Variants in TRMT11 observed in about 807,000 individuals in gnomAD.
TRMT11 encodes tRNA methyltransferase 11.
TRMT11 carries 53 observed loss-of-function variants against 62.8 expected under a neutral mutation model. That is an observed-to-expected ratio of 0.84 (90% CI 0.68 to 1.06). The LOEUF is 1.06. Among genes scored for constraint, TRMT11 ranks in the 50% least tolerant of loss-of-function variants. The pLI is 0.00. For missense variants in TRMT11, 556 were observed against 553.4 expected, an observed-to-expected ratio of 1.00 and a Z score of -0.05; for synonymous variants, 188 against 190.3, an observed-to-expected ratio of 0.99 and a Z score of 0.10.
Position 126,013,005 on chromosome 6 carries a change from A to G in TRMT11, c.1043A>G (p.His348Arg). The G allele has an allele frequency of 6.2e-7, 1 of 1,613,796 alleles. No homozygotes were observed. Among genetic ancestry groups the G allele is most frequent in the African/African-American group, 1.3e-5 (1 of 75,004 alleles). The change falls in exon 11 of 13, where the codon CAT becomes CGT. Residue 348 changes from histidine (H) to arginine (R), a missense_variant. Coordinates refer to ENST00000334379, the MANE Select transcript of TRMT11 (RefSeq NM_001031712.3). Reference protein sequence around the residue: ...ESHVPVSLSYHLSDMFLDLLN... With the variant: ...ESHVPVSLSYRLSDMFLDLLN... ...CATGTTCCTGTTTCCTTGAGTTATC[A>G]TCTGAGTGATATGTTTCTTGACCTG...
chr6:126,086,210 C>T (rs1191424741), intron 17 of TRMT11, among the ~76,000 whole-genome samples: 3 of 152,058 alleles, frequency 2.0e-5, no homozygotes, highest in Non-Finnish European at 2.9e-5. Context: ...AAAATTTGCC[C>T]GGTTTAATAC....
the TRMT11 span, among the ~76,000 whole-genome samples, chr6:126,212,071 G>A: frequency 6.6e-6 from 1 of 152,078 alleles, no homozygotes; most frequent in Non-Finnish European, 1.5e-5. Flanking sequence ...ATGACCTCCA[G>A]TTCCATCCAT....
chr6:125,999,335 G>T, intron 6 of TRMT11, 122 bp from the exon 7 acceptor site: 1 of 622,814 alleles, frequency 1.6e-6, no homozygotes, highest in Non-Finnish European at 2.6e-6. Flanking sequence ...AAATAAATAA[G>T]TTTAGAGCAG....
intron 17 of TRMT11, among the ~76,000 whole-genome samples, chr6:126,054,671 G>A (rs1334330013): frequency 1.3e-5 from 2 of 152,154 alleles, no homozygotes; most frequent in Non-Finnish European, 2.9e-5. Flanking sequence ...CTGCTTCTCC[G>A]CTCCAAGACA....
At chr6:126,192,036 G>A (rs1778606953) in intron 1 of TRMT11, among the ~76,000 whole-genome samples, 1 of 152,070 alleles carries the variant, frequency 6.6e-6, no homozygotes, top group South Asian at 2.1e-4. Flanking sequence ...ACTATTTTGA[G>A]AAGTATAGAC....
At chr6:126,181,755 G>T (rs1279307346) in intron 1 of TRMT11, among the ~76,000 whole-genome samples, 1 of 152,194 alleles carries the variant, frequency 6.6e-6, no homozygotes, top group Non-Finnish European at 1.5e-5. Flanking sequence ...TTAGTATCCT[G>T]TGAGTGTAAA....
the TRMT11 span, chr6:126,258,389 G>A: frequency 2.9e-6 from 1 of 340,390 alleles, no homozygotes; most frequent in Admixed American, 3.9e-5. Context: ...ACTGTGTCTG[G>A]ACGCCAGCTG....
downstream of TRMT11, among the ~76,000 whole-genome samples, chr6:126,203,633 C>T (rs922757370): frequency 3.3e-5 from 5 of 152,068 alleles, no homozygotes; most frequent in Non-Finnish European, 7.3e-5. Flanking sequence ...AGCCCCAGGA[C>T]AAAGTATGCA....
chr6:126,056,033 T>C (rs1001594048), intron 17 of TRMT11, among the ~76,000 whole-genome samples: 16 of 152,200 alleles, frequency 1.1e-4, no homozygotes, highest in Admixed American at 1.0e-3. Flanking sequence ...GAAGCCATCA[T>C]TGAAGCACCC....
intron 17 of TRMT11, among the ~76,000 whole-genome samples, chr6:126,078,065 G>A (rs1455996685): frequency 6.6e-6 from 1 of 152,122 alleles, no homozygotes; most frequent in Non-Finnish European, 1.5e-5. Flanking sequence ...TCTACTTACT[G>A]TGGCTTCATT....
rs2128760693 is a variant in TRMT11, at chr6:125,998,218, T to C, written c.295-5T>C. On this transcript the variant is annotated splice_region_variant and splice_polypyrimidine_tract_variant and intron_variant, in intron 4 of 12. Transcript: ENST00000334379. ...ACTCAAAAAACTGATTTCCTTTTAT[T>C]TTAGGTTCCATTTCTACATTCGGAC... The C allele has an allele frequency of 1.9e-6, 3 of 1,598,868 alleles. No individual in the cohort carries two copies. The highest frequency in any genetic ancestry group is 4.5e-5 in the East Asian group (2 of 44,776).
At chr6:126,161,842 T>G (rs1422162117) in intron 21 of TRMT11, among the ~76,000 whole-genome samples, 1 of 152,236 alleles carries the variant, frequency 6.6e-6, no homozygotes, top group Non-Finnish European at 1.5e-5. Flanking sequence ...ACAGTGATGA[T>G]GAGCTTTTTT....
At chr6:126,154,660 G>A (rs568752987) in intron 21 of TRMT11, among the ~76,000 whole-genome samples, 2 of 152,250 alleles carry the variant, frequency 1.3e-5, no homozygotes, top group East Asian at 1.9e-4. Flanking sequence ...TCAGTAAAGG[G>A]CATCTGGAAG....
chr6:126,116,187 C>G (rs903390822), intron 21 of TRMT11, among the ~76,000 whole-genome samples: 1 of 151,942 alleles, frequency 6.6e-6, no homozygotes, highest in Non-Finnish European at 1.5e-5. Context: ...AGGCAAATAA[C>G]AAGAAGGCTC....
chr6:126,046,403 T>C (rs1000153322), intron 16 of TRMT11, among the ~76,000 whole-genome samples: 2 of 152,196 alleles, frequency 1.3e-5, no homozygotes, highest in Non-Finnish European at 2.9e-5. Flanking sequence ...TTTCATTTAT[T>C]TGAGCTCCAA....
chr6:126,130,178 T>C (rs1777764527), intron 21 of TRMT11, among the ~76,000 whole-genome samples: 1 of 152,102 alleles, frequency 6.6e-6, no homozygotes, highest in Admixed American at 6.6e-5. Flanking sequence ...TAGTTTTGTA[T>C]ATATGAGAAA....
At chr6:126,121,060 C>T (rs1034090667) in intron 21 of TRMT11, among the ~76,000 whole-genome samples, 4 of 152,074 alleles carry the variant, frequency 2.6e-5, no homozygotes, top group African/African-American at 7.2e-5. Context: ...TCTACTATTG[C>T]CCCCAATTGG....
chr6:126,271,460 ATCTTAT>A, the TRMT11 span, among the ~76,000 whole-genome samples: 2 of 150,590 alleles, frequency 1.3e-5, no homozygotes, highest in Non-Finnish European at 3.0e-5. Flanking sequence ...TTCACATTCT[ATCTTAT>A]TCTTATTTCC....
At chr6:126,093,629 A>ATTTTTTTTTTTTTT (rs1199202335) in intron 17 of TRMT11, among the ~76,000 whole-genome samples, 9 of 94,040 alleles carry the variant, frequency 9.6e-5, no homozygotes, top group African/African-American at 4.1e-4. Flanking sequence ...ATATATATAT[A>ATTTTTTTTTTTTTT]TATTTTCCCC....
Sources: allele counts gnomAD v4.1 joint callset (sites outside exome capture counted in the v4.1 genomes callset), GRCh38; gene constraint gnomAD v4.1.1; transcripts MANE v1.5; gene names NCBI Gene and HGNC (gene_info 2026-07-23, HGNC 2026-07-21).